GALNT10: variants seen among roughly 807,000 people sequenced by gnomAD.
GALNT10 encodes GalNAc transferase 10.
In GALNT10, 41 loss-of-function variants were observed where a neutral mutation model predicts 75.0. The ratio of observed to expected loss-of-function variants is 0.55; its 90% CI spans 0.43 to 0.71. GALNT10 has a LOEUF of 0.71. GALNT10 is among the 30% of genes least tolerant of loss of function. The probability of loss-of-function intolerance (pLI) is 0.00; values close to 1 mark genes in which losing one functional copy is unlikely to be tolerated. For synonymous variants in GALNT10, 302 were observed against 313.0 expected, an observed-to-expected ratio of 0.96 and a Z score of 0.37; for missense variants, 727 against 818.5, an observed-to-expected ratio of 0.89 and a Z score of 1.36.
chr5:154,273,997 G>A (rs1344260258), intron 1 of GALNT10, among the ~76,000 whole-genome samples: 1 of 152,146 alleles, frequency 6.6e-6, no homozygotes, highest in East Asian at 1.9e-4. Context: ...GATTTCTCTG[G>A]AGCCTCTTTC....
chr5:154,322,630 G>A (rs572051012), intron 3 of GALNT10, among the ~76,000 whole-genome samples: 1 of 152,300 alleles, frequency 6.6e-6, no homozygotes, highest in Admixed American at 6.5e-5. Context: ...TGGAGACACA[G>A]GTGGGCAGTT....
At chr5:154,219,407 A>C (rs1338728461) in intron 1 of GALNT10, 1 of 152,566 alleles carries the variant, frequency 6.6e-6, no homozygotes, top group South Asian at 2.1e-4. Flanking sequence ...CCCCTCACCT[A>C]CCCTACAGAT....
intron 4 of GALNT10, chr5:154,337,522 C>T (rs1754963363): frequency 4.0e-6 from 3 of 741,122 alleles, no homozygotes; most frequent in Non-Finnish European, 4.9e-6. Context: ...CCATAGGCAC[C>T]TTGGTTTCAT....
chr5:154,406,002 C>G (rs932927076), intron 8 of GALNT10: 15 of 151,544 alleles, frequency 9.9e-5, no homozygotes, highest in Non-Finnish European at 2.1e-4. Flanking sequence ...AAATTCCCTT[C>G]GAGCCAGGCA....
chr5:154,415,966 C>G (rs1458147225), intron 11 of GALNT10, 34 bp downstream of exon 11: 17 of 1,604,482 alleles, frequency 1.1e-5, no homozygotes, highest in Non-Finnish European at 1.4e-5. Context: ...AGGGCACCTG[C>G]TTAATTTTTT....
intron 4 of GALNT10, chr5:154,356,025 G>A (rs1163166366): frequency 2.4e-6 from 1 of 421,330 alleles, no homozygotes; most frequent in African/African-American, 2.0e-5. Context: ...GACAGAGAGA[G>A]CCTTCATTTC....
At chr5:154,322,669 G>C (rs1350652749) in intron 3 of GALNT10, among the ~76,000 whole-genome samples, 2 of 152,148 alleles carry the variant, frequency 1.3e-5, no homozygotes, top group Non-Finnish European at 2.9e-5. Context: ...TGGTCCTCAG[G>C]TTCCCTCTTC....
intron 4 of GALNT10, among the ~76,000 whole-genome samples, chr5:154,336,293 C>A (rs1414102947): frequency 1.3e-5 from 2 of 152,166 alleles, no homozygotes; most frequent in Admixed American, 6.5e-5. Context: ...CTACTATGAA[C>A]ATTTGTGTAC....
chr5:154,230,809 T>C (rs779183517), intron 1 of GALNT10, among the ~76,000 whole-genome samples: 9 of 152,240 alleles, frequency 5.9e-5, no homozygotes, highest in Non-Finnish European at 1.3e-4. Context: ...CAAAGGTCAG[T>C]GACCCTGAAC....
intron 1 of GALNT10, among the ~76,000 whole-genome samples, chr5:154,274,591 T>C (rs1052623486): frequency 2.4e-4 from 37 of 152,162 alleles, no homozygotes; most frequent in Admixed American, 2.0e-4. Flanking sequence ...GAAAATGGCC[T>C]TGCCACCTCT....
chr5:154,306,548 T>C (rs1754435695), intron 3 of GALNT10, among the ~76,000 whole-genome samples: 1 of 152,204 alleles, frequency 6.6e-6, no homozygotes, highest in Non-Finnish European at 1.5e-5. Flanking sequence ...GGGAAATTTG[T>C]AGCATTAATG....
At chr5:154,391,873 G>GTC (rs10672542) in intron 7 of GALNT10, among the ~76,000 whole-genome samples, 90,858 of 151,722 alleles carry the variant, frequency 0.6, 28,062 homozygotes, top group African/African-American at 0.75. Context: ...TGGAAGGAGA[G>GTC]TGTTTTTCCC....
chr5:154,205,208 G>A (rs556606028), intron 1 of GALNT10, among the ~76,000 whole-genome samples: 2 of 152,232 alleles, frequency 1.3e-5, no homozygotes, highest in East Asian at 3.9e-4. Flanking sequence ...GCTCCCTAAG[G>A]CAACAGTCAA....
chr5:154,317,965 C>T (rs552451978), intron 3 of GALNT10, among the ~76,000 whole-genome samples: 1 of 152,316 alleles, frequency 6.6e-6, no homozygotes, highest in East Asian at 1.9e-4. Context: ...ATATATCCTC[C>T]CATGTTCAAT....
At chr5:154,218,503 C>G (rs1752919123) in intron 1 of GALNT10, among the ~76,000 whole-genome samples, 1 of 152,102 alleles carries the variant, frequency 6.6e-6, no homozygotes, top group Non-Finnish European at 1.5e-5. Flanking sequence ...TAATGAGAAT[C>G]TTCAAAAAGG....
intron 4 of GALNT10, among the ~76,000 whole-genome samples, chr5:154,350,060 C>T (rs981236326): frequency 5.9e-5 from 9 of 152,232 alleles, no homozygotes; most frequent in African/African-American, 1.7e-4. Flanking sequence ...AAAATTCTGT[C>T]GGACAGCCCT....
chr5:154,363,966 G>A (rs1259396896), intron 4 of GALNT10, among the ~76,000 whole-genome samples: 1 of 152,194 alleles, frequency 6.6e-6, no homozygotes, highest in Non-Finnish European at 1.5e-5. Context: ...TGCCCCTACA[G>A]TATGCCAGGT....
chr5:154,339,339 C>G (rs1754994893), intron 4 of GALNT10, among the ~76,000 whole-genome samples: 1 of 152,176 alleles, frequency 6.6e-6, no homozygotes, highest in African/African-American at 2.4e-5. Flanking sequence ...CTTTGACATC[C>G]TAAACGCTTC....
chr5:154,255,693 T>G (rs1753596211), intron 1 of GALNT10, among the ~76,000 whole-genome samples: 1 of 152,020 alleles, frequency 6.6e-6, no homozygotes, highest in Non-Finnish European at 1.5e-5. Flanking sequence ...TCCCACACTT[T>G]CCCACGCTGG....
Sources: allele counts gnomAD v4.1 joint callset (sites outside exome capture counted in the v4.1 genomes callset), GRCh38; gene constraint gnomAD v4.1.1; transcripts MANE v1.5; gene names NCBI Gene and HGNC (gene_info 2026-07-23, HGNC 2026-07-21).